The following PPM1L variants were observed in gnomAD, a reference collection of about 807,000 sequenced individuals.
PPM1L encodes the protein protein phosphatase, Mg2+/Mn2+ dependent 1L.
A neutral mutation model predicts 31.4 loss-of-function variants in PPM1L; 13 were observed. That is an observed-to-expected ratio of 0.41 (90% CI 0.27 to 0.66). The LOEUF (loss-of-function observed/expected upper bound fraction) is 0.66. Ranked by LOEUF, PPM1L falls within the 30% of genes least tolerant of loss-of-function variation. PPM1L has a pLI of 0.29. For synonymous variants in PPM1L, 184 were observed against 175.4 expected (o/e 1.05, Z -0.39); for missense variants, 326 against 453.7 (o/e 0.72, Z 2.56).
intron 1 of PPM1L, among the ~76,000 whole-genome samples, chr3:160,899,290 A>T (rs1202451227): frequency 6.6e-6 from 1 of 152,170 alleles, no homozygotes. Context: ...CAGAAGTGTT[A>T]AAGCAGGCCT....
At chr3:161,068,203 A>C (rs895850790) in intron 3 of PPM1L, among the ~76,000 whole-genome samples, 1 of 152,212 alleles carries the variant, frequency 6.6e-6, no homozygotes, top group Non-Finnish European at 1.5e-5. Flanking sequence ...TACTGTCTCT[A>C]TTTTGTAGCC....
chr3:161,016,814 T>G (rs1718100991), intron 2 of PPM1L, among the ~76,000 whole-genome samples: 1 of 152,176 alleles, frequency 6.6e-6, no homozygotes, highest in African/African-American at 2.4e-5. Flanking sequence ...TATAACAATA[T>G]GTGGATGGTG....
chr3:160,917,223 G>A (rs1279181356), intron 1 of PPM1L, among the ~76,000 whole-genome samples: 1 of 152,116 alleles, frequency 6.6e-6, no homozygotes, highest in Non-Finnish European at 1.5e-5. Context: ...ATTAATTAGT[G>A]GGACAAATTT....
intron 1 of PPM1L, among the ~76,000 whole-genome samples, chr3:160,866,687 C>T (rs865957820): frequency 6.6e-6 from 1 of 152,126 alleles, no homozygotes; most frequent in East Asian, 1.9e-4. Flanking sequence ...GGTAAACCAT[C>T]TCTCCTAAGA....
At chr3:161,051,216 C>T (rs998059647) in intron 2 of PPM1L, among the ~76,000 whole-genome samples, 1 of 152,144 alleles carries the variant, frequency 6.6e-6, no homozygotes, top group South Asian at 2.1e-4. Context: ...ATGCTGAATT[C>T]TAAGTGTCTG....
intron 2 of PPM1L, among the ~76,000 whole-genome samples, chr3:160,990,935 C>T (rs1284029807): frequency 1.3e-5 from 2 of 152,074 alleles, no homozygotes; most frequent in African/African-American, 4.8e-5. Flanking sequence ...CAAAAATGCC[C>T]CCACAAATAC....
Position 161,069,367 on chromosome 3 carries a change from G to C in PPM1L, c.*210G>C. The C allele has an allele frequency of 1.8e-6, 1 of 564,342 alleles. No individual in the cohort carries two copies. The highest frequency in any genetic ancestry group is 3.1e-6 in the Non-Finnish European group (1 of 321,050). 35.0% of individuals were successfully genotyped at this position (564,342 alleles called of 1,614,324 possible). A position where few individuals can be genotyped will look rare whatever the true frequency, so the allele number is the denominator to read the frequency against. ...AGAAACTGGAAAATGGTTTCTTCAT[G>C]TTTTCCCAACTCTTTCATCCAGTGT... is the stretch of plus-strand genomic sequence containing the variant. On this transcript the variant is annotated 3_prime_UTR_variant, in exon 4 of 4. Coordinates refer to ENST00000498165, the MANE Select transcript of PPM1L (RefSeq NM_139245.4).
At chr3:160,971,803 G>T (rs1348817713) in intron 2 of PPM1L, among the ~76,000 whole-genome samples, 1 of 151,990 alleles carries the variant, frequency 6.6e-6, no homozygotes, top group Non-Finnish European at 1.5e-5. Flanking sequence ...TCACCCTGTT[G>T]CCCAGGCTGG....
At chr3:160,786,432 G>A (rs1169312556) in intron 1 of PPM1L, among the ~76,000 whole-genome samples, 1 of 150,380 alleles carries the variant, frequency 6.6e-6, no homozygotes, top group Non-Finnish European at 1.5e-5. Context: ...TGGCCCGGCT[G>A]GTCTCGAACT....
At chr3:160,991,504 C>T (rs551535214) in intron 2 of PPM1L, among the ~76,000 whole-genome samples, 1 of 152,190 alleles carries the variant, frequency 6.6e-6, no homozygotes, top group African/African-American at 2.4e-5. Flanking sequence ...ACCTAAATAC[C>T]ATGCTAAGGA....
Position 161,065,467 on chromosome 3 carries a change from G to A in PPM1L, c.639G>A (p.Ser213=), listed in dbSNP as rs116134607. ...TCACTGTGGCCAACGTGGGTGACTC[G>A]CGCGGGGTCCTGTGTGACAAAGATG... ...KDLTVANVGD[S]RGVLCDKDGN... The change falls in exon 3 of 4, where the codon TCG becomes TCA. Residue 213 remains serine (S), a synonymous_variant. Transcript: ENST00000498165. The A allele has an allele frequency of 1.8e-4, 292 of 1,614,028 alleles. No homozygotes were observed. In the African/African-American group the frequency reaches 3.1e-3, roughly 17 times the overall value.
intron 1 of PPM1L, among the ~76,000 whole-genome samples, chr3:160,799,207 CG>C (rs1159969119): frequency 6.6e-6 from 1 of 152,206 alleles, no homozygotes; most frequent in African/African-American, 2.4e-5. Flanking sequence ...GATAAAGCAG[CG>C]GCAGGCTGAG....
intron 2 of PPM1L, among the ~76,000 whole-genome samples, chr3:161,053,533 C>T (rs1366830297): frequency 6.6e-6 from 1 of 152,340 alleles, no homozygotes; most frequent in African/African-American, 2.4e-5. Flanking sequence ...AGTTGAAGAA[C>T]ATTTTAATTT....
At chr3:161,030,802 C>T (rs1417402069) in intron 2 of PPM1L, among the ~76,000 whole-genome samples, 1 of 152,070 alleles carries the variant, frequency 6.6e-6, no homozygotes, top group Non-Finnish European at 1.5e-5. Context: ...AATGTGCCTA[C>T]TACATTCTAC....
chr3:160,968,251 C>CAA (rs1223769455), intron 2 of PPM1L, among the ~76,000 whole-genome samples: 1 of 152,112 alleles, frequency 6.6e-6, no homozygotes, highest in Non-Finnish European at 1.5e-5. Context: ...TAATACTAAG[C>CAA]AAAATCCAGA....
intron 3 of PPM1L, among the ~76,000 whole-genome samples, chr3:161,067,080 C>G (rs1297582109): frequency 6.6e-6 from 1 of 152,200 alleles, no homozygotes; most frequent in Non-Finnish European, 1.5e-5. Flanking sequence ...CTGTAGGAGT[C>G]TGCTGTGAAA....
At chr3:160,778,182 A>G (rs1449476785) in intron 1 of PPM1L, among the ~76,000 whole-genome samples, 3 of 149,822 alleles carry the variant, frequency 2.0e-5, no homozygotes, top group African/African-American at 7.5e-5. Flanking sequence ...TCTGTATGTC[A>G]TCTTTGGAGA....
At chr3:161,052,120 C>A (rs1416929340) in intron 2 of PPM1L, among the ~76,000 whole-genome samples, 1 of 152,212 alleles carries the variant, frequency 6.6e-6, no homozygotes, top group African/African-American at 2.4e-5. Context: ...CAGCAGTTTT[C>A]TCTGCTTCAC....
At position 160,967,194 on chromosome 3, in the gene PPM1L, C is replaced by T. The variant is rs1018378594; in HGVS notation, c.574+5284C>T. ...CCACCATGTAAGACATGCCTTTGCTCCTCTTTCACCTTCTGCTATGATTGT... is the reference window on the plus strand; with the variant it reads ...CCACCATGTAAGACATGCCTTTGCTTCTCTTTCACCTTCTGCTATGATTGT... On this transcript the variant is annotated intron_variant, in intron 2 of 3. Coordinates refer to ENST00000498165, the MANE Select transcript of PPM1L (RefSeq NM_139245.4). 1.3e-5 allele frequency among the ~76,000 whole-genome samples: 2 copies of T among 151,968 alleles called. 1 individual carries two copies.
Sources: allele counts gnomAD v4.1 joint callset (sites outside exome capture counted in the v4.1 genomes callset), GRCh38; gene constraint gnomAD v4.1.1; transcripts MANE v1.5; gene names NCBI Gene and HGNC (gene_info 2026-07-23, HGNC 2026-07-21).